CCDC6: variants seen among roughly 807,000 people sequenced by gnomAD.
CCDC6 encodes the protein coiled-coil domain-containing protein 6.
A neutral mutation model predicts 56.6 loss-of-function variants in CCDC6; 20 were observed. The ratio of observed to expected loss-of-function variants is 0.35; its 90% CI spans 0.25 to 0.51. CCDC6 has a LOEUF of 0.51. CCDC6 is among the 20% of genes least tolerant of loss of function. CCDC6 has a pLI of 0.95. For missense variants in CCDC6, 367 were observed against 601.1 expected (o/e 0.61, Z 4.07); for synonymous variants, 241 against 234.4 (o/e 1.03, Z -0.26).
chr10:59,885,924 C>CCCG (rs1554887629), intron 1 of CCDC6, among the ~76,000 whole-genome samples: 3 of 127,756 alleles, frequency 2.3e-5, no homozygotes, highest in African/African-American at 9.6e-5. Context: ...CGCCCCCCGC[C>CCCG]CCCCCAACTA....
chr10:59,870,199 G>A (rs532746781), intron 1 of CCDC6, among the ~76,000 whole-genome samples: 1 of 152,170 alleles, frequency 6.6e-6, no homozygotes, highest in Non-Finnish European at 1.5e-5. Flanking sequence ...CAAGTACTCC[G>A]ATACTGGTTA....
intron 1 of CCDC6, among the ~76,000 whole-genome samples, chr10:59,875,915 C>T (rs1484436406): frequency 7.9e-5 from 12 of 152,028 alleles, no homozygotes; most frequent in Admixed American, 7.9e-4. Context: ...AAGGAAATTG[C>T]TATTTGGACA....
intron 3 of CCDC6, among the ~76,000 whole-genome samples, chr10:59,817,959 G>A (rs1589039424): frequency 6.6e-6 from 1 of 152,264 alleles, no homozygotes; most frequent in Non-Finnish European, 1.5e-5. Flanking sequence ...TTAAAGCTGA[G>A]GAAACCACTA....
chr10:59,897,037 C>T (rs144711396), intron 1 of CCDC6, among the ~76,000 whole-genome samples: 1 of 152,112 alleles, frequency 6.6e-6, no homozygotes, highest in Non-Finnish European at 1.5e-5. Flanking sequence ...ATGGAGAATA[C>T]ACTTAAAACA....
At chr10:59,906,066 C>A in intron 1 of CCDC6, 56 bp downstream of exon 1, 1 of 1,466,038 alleles carries the variant, frequency 6.8e-7, no homozygotes, top group African/African-American at 1.4e-5. Context: ...TCGGGTGCAG[C>A]CCCTCCCGGG....
intron 1 of CCDC6, among the ~76,000 whole-genome samples, chr10:59,890,341 A>G (rs530481693): frequency 5.3e-5 from 8 of 152,218 alleles, no homozygotes; most frequent in Non-Finnish European, 7.3e-5. Flanking sequence ...CCGCTGAGGA[A>G]GAAGTGGAGG....
At position 59,859,814 on chromosome 10, in the gene CCDC6, C is replaced by T. The variant is rs78321119; in HGVS notation, c.304-7112G>A. On this transcript the variant is annotated intron_variant, in intron 1 of 8. Transcript: ENST00000263102. The stretch of plus-strand genomic sequence containing the variant: ...GACATAAATCTAGAGATACAGAAAC[C>T]ACCTCTTTGGGAGGCTGAGGCGGGC... Among the ~76,000 whole-genome samples, 352 of 152,208 alleles carry T rather than the reference C, an allele frequency of 2.3e-3. 2 individuals are homozygous for T. Among genetic ancestry groups the T allele is most frequent in the African/African-American group, 8.0e-3 (334 of 41,530 alleles).
chr10:59,898,230 G>A, intron 1 of CCDC6, among the ~76,000 whole-genome samples: 1 of 152,052 alleles, frequency 6.6e-6, no homozygotes, highest in East Asian at 1.9e-4. Flanking sequence ...ACTGACAGAT[G>A]CAGATTATGA....
intron 3 of CCDC6, among the ~76,000 whole-genome samples, chr10:59,823,488 C>T (rs566565915): frequency 6.6e-6 from 1 of 152,300 alleles, no homozygotes; most frequent in South Asian, 2.1e-4. Flanking sequence ...AAATGAGACA[C>T]CCCTCTCACA....
At chr10:59,806,768 T>C (rs2070628671) in intron 6 of CCDC6, 154 bp downstream of exon 6, 2 of 517,786 alleles carry the variant, frequency 3.9e-6, no homozygotes, top group Middle Eastern at 3.6e-4. Context: ...TATCCCATTC[T>C]TGGCATCTAC....
rs551671539 is a variant in CCDC6, at chr10:59,854,557, T to C, written c.304-1855A>G. On this transcript the variant is annotated intron_variant, in intron 1 of 8. Transcript: ENST00000263102. ...ACCAGCCAAGGCACCCAGTGAGCAG[T>C]CCATAGGTTCCCCCAGTGGTTCCCT... is the stretch of plus-strand genomic sequence containing the variant. 4.0e-4 allele frequency among the ~76,000 whole-genome samples: 61 copies of C among 151,508 alleles called. 1 individual carries two copies. Among genetic ancestry groups the C allele is most frequent in the African/African-American group, 1.4e-3 (60 of 41,526 alleles).
chr10:59,814,525 G>T, intron 4 of CCDC6, 127 bp downstream of exon 4: 1 of 601,354 alleles, frequency 1.7e-6, no homozygotes, highest in Non-Finnish European at 3.0e-6. Context: ...TTTTCCTTTG[G>T]CCAATTAAAA....
rs139227282 is a variant in CCDC6, at chr10:59,796,717, C to G, written c.1106-2120G>C. 1.5e-3 allele frequency among the ~76,000 whole-genome samples: 223 copies of G among 152,260 alleles called. 2 individuals are homozygous for G. Among genetic ancestry groups the G allele is most frequent in the African/African-American group, 5.0e-3 (207 of 41,568 alleles). On this transcript the variant is annotated intron_variant, in intron 7 of 8. Coordinates refer to ENST00000263102, the MANE Select transcript of CCDC6 (RefSeq NM_005436.5). ...GAGCGGTGGCTCACGCCTGTAATCC[C>G]AGCACTTTGGGAGGCTGAGGCAGGC...
rs1197727453 is a variant in CCDC6 at position 59,792,743 on chromosome 10, C to G, written c.*174G>C. 6.2e-6 allele frequency: 5 copies of G among 804,114 alleles called. No individual in the cohort carries two copies. Among genetic ancestry groups the G allele is most frequent in the Non-Finnish European group, 8.8e-6 (4 of 453,282 alleles). 49.8% of individuals were successfully genotyped at this position (804,114 alleles called of 1,614,324 possible). ...AAGTCGTCTGGTTAGTGTTGTAGAC[C>G]CACAACACTGGCTGCATTTCTGACA... is the stretch of plus-strand genomic sequence containing the variant. On this transcript the variant is annotated 3_prime_UTR_variant, in exon 9 of 9. Transcript: ENST00000263102.
At chr10:59,849,341 T>C (rs966574043) in intron 2 of CCDC6, among the ~76,000 whole-genome samples, 3 of 152,200 alleles carry the variant, frequency 2.0e-5, no homozygotes, top group African/African-American at 7.2e-5. Flanking sequence ...GTGTGTGTTT[T>C]CCTGTTGGTG....
intron 3 of CCDC6, among the ~76,000 whole-genome samples, chr10:59,818,444 T>A (rs1022343801): frequency 9.4e-5 from 13 of 138,400 alleles, no homozygotes; most frequent in Non-Finnish European, 1.7e-4. Flanking sequence ...GTGTGGATTC[T>A]CAAGTACAGT....
intron 1 of CCDC6, among the ~76,000 whole-genome samples, chr10:59,866,446 G>A (rs1275004300): frequency 6.6e-6 from 1 of 152,164 alleles, no homozygotes; most frequent in Non-Finnish European, 1.5e-5. Context: ...GAATAGGGAG[G>A]AGCATAAACA....
Position 59,882,025 on chromosome 10 carries a change from GCGGGGAGAAGGAAAGGAAAGCCA to G in CCDC6, c.303+24074_303+24096del, listed in dbSNP as rs1564755793. ...AGCTGGGGAGAAGGAAAGGAAAGCCGCGGGGAGAAGGAAAGGAAAGCCAGGGGGAGAAGGAAAGGAAAGCCGCG... is the reference window on the plus strand; with the variant it reads ...AGCTGGGGAGAAGGAAAGGAAAGCCGGGGGGAGAAGGAAAGGAAAGCCGCG... On this transcript the variant is annotated intron_variant, in intron 1 of 8. Transcript: ENST00000263102. Among the ~76,000 whole-genome samples, 48 of 48,900 alleles carry G rather than the reference GCGGGGAGAAGGAAAGGAAAGCCA, an allele frequency of 9.8e-4. 2 individuals carry two copies. The highest frequency in any genetic ancestry group is 3.7e-3 in the African/African-American group (41 of 11,078). The allele number at this position is 48,900 out of a possible 152,430, so 32.1% of individuals were successfully genotyped here. A position where few individuals can be genotyped will look rare whatever the true frequency, so the allele number is the denominator to read the frequency against.
intron 2 of CCDC6, among the ~76,000 whole-genome samples, chr10:59,844,539 C>T (rs1167126524): frequency 6.7e-6 from 1 of 149,568 alleles, no homozygotes; most frequent in African/African-American, 2.5e-5. Flanking sequence ...CACTTGTGGT[C>T]AGGAATCCAA....
Sources: allele counts gnomAD v4.1 joint callset (sites outside exome capture counted in the v4.1 genomes callset), GRCh38; gene constraint gnomAD v4.1.1; transcripts MANE v1.5; gene names NCBI Gene and HGNC (gene_info 2026-07-23, HGNC 2026-07-21).